Variants in DNER observed in about 807,000 individuals in gnomAD.
DNER encodes delta and Notch-like epidermal growth factor-related receptor.
In DNER, 33 loss-of-function variants were observed where a neutral mutation model predicts 78.2. That is an observed-to-expected ratio of 0.42 (90% CI 0.32 to 0.56). The LOEUF (loss-of-function observed/expected upper bound fraction) is 0.56, where lower values mean the gene tolerates loss of function less well. Among genes scored for constraint, DNER ranks in the 20% least tolerant of loss-of-function variants. The pLI is 0.11. For missense variants in DNER, 918 were observed against 975.3 expected (o/e 0.94, Z 0.78); for synonymous variants, 417 against 384.8 (o/e 1.08, Z -0.98).
intron 1 of DNER, among the ~76,000 whole-genome samples, chr2:229,683,779 C>T (rs1559208075): frequency 6.6e-6 from 1 of 152,056 alleles, no homozygotes; most frequent in African/African-American, 2.4e-5. Context: ...GCCAGAAATG[C>T]ATCTCTTGAC....
At chr2:229,443,453 G>A (rs1326230240) in intron 8 of DNER, among the ~76,000 whole-genome samples, 1 of 152,190 alleles carries the variant, frequency 6.6e-6, no homozygotes, top group African/African-American at 2.4e-5. Context: ...CAATTTTTAA[G>A]AGAACGGGTA....
chr2:229,376,073 T>C (rs1692592273), intron 11 of DNER, among the ~76,000 whole-genome samples: 1 of 152,230 alleles, frequency 6.6e-6, no homozygotes, highest in Non-Finnish European at 1.5e-5. Context: ...TTGCCGTGCT[T>C]GTAAGTTTCC....
intron 4 of DNER, among the ~76,000 whole-genome samples, chr2:229,576,803 C>T (rs560922096): frequency 9.9e-5 from 15 of 151,308 alleles, no homozygotes; most frequent in Admixed American, 3.9e-4. Context: ...GCCAGCTACA[C>T]GGAGAAGAAC....
chr2:229,520,061 A>T (rs1184962865), intron 5 of DNER, among the ~76,000 whole-genome samples: 2 of 152,204 alleles, frequency 1.3e-5, no homozygotes, highest in East Asian at 3.8e-4. Context: ...ACTTCAGGCA[A>T]TTCTTCGCCA....
At chr2:229,427,646 G>A (rs894397964) in intron 8 of DNER, among the ~76,000 whole-genome samples, 3 of 151,996 alleles carry the variant, frequency 2.0e-5, no homozygotes, top group South Asian at 2.1e-4. Flanking sequence ...AAGAGGGAGG[G>A]GTGTGCAGAA....
At chr2:229,442,579 T>C (rs896515414) in intron 8 of DNER, among the ~76,000 whole-genome samples, 1 of 152,118 alleles carries the variant, frequency 6.6e-6, no homozygotes, top group Admixed American at 6.5e-5. Context: ...ATGAAAGTTG[T>C]CCACTATACT....
chr2:229,582,559 G>T (rs1475294061), intron 4 of DNER, among the ~76,000 whole-genome samples: 1 of 152,156 alleles, frequency 6.6e-6, no homozygotes, highest in Non-Finnish European at 1.5e-5. Flanking sequence ...CAAAATAAAG[G>T]ATGTTACTCA....
chr2:229,635,735 T>G (rs918821735), intron 1 of DNER, among the ~76,000 whole-genome samples: 5 of 152,214 alleles, frequency 3.3e-5, no homozygotes, highest in African/African-American at 9.6e-5. Flanking sequence ...TTCCTAAATA[T>G]GCTGGGAAAT....
chr2:229,612,361 C>T (rs1182584187), intron 1 of DNER, among the ~76,000 whole-genome samples: 3 of 152,098 alleles, frequency 2.0e-5, no homozygotes, highest in East Asian at 1.9e-4. Context: ...CACTGGGGGA[C>T]CCTGGTGGAA....
intron 6 of DNER, among the ~76,000 whole-genome samples, chr2:229,507,144 T>C (rs1018127896): frequency 6.6e-6 from 1 of 152,196 alleles, no homozygotes; most frequent in East Asian, 1.9e-4. Flanking sequence ...TAAAACACAG[T>C]ATTGTAATCT....
intron 1 of DNER, among the ~76,000 whole-genome samples, chr2:229,622,516 A>G (rs1698267523): frequency 6.6e-6 from 1 of 152,216 alleles, no homozygotes; most frequent in East Asian, 1.9e-4. Flanking sequence ...AGCCTGAGTC[A>G]GCACGGGAAT....
At chr2:229,622,881 C>G (rs904213989) in intron 1 of DNER, among the ~76,000 whole-genome samples, 1 of 152,148 alleles carries the variant, frequency 6.6e-6, no homozygotes, top group Non-Finnish European at 1.5e-5. Flanking sequence ...ATCTTGCCAA[C>G]ATGTTGATTT....
chr2:229,693,897 T>A (rs2193221), intron 1 of DNER, among the ~76,000 whole-genome samples: 1 of 152,242 alleles, frequency 6.6e-6, no homozygotes, highest in East Asian at 1.9e-4. Context: ...ATGTTAATCA[T>A]GAAAACAATG....
intron 1 of DNER, among the ~76,000 whole-genome samples, chr2:229,649,680 A>G (rs746998039): frequency 6.6e-6 from 1 of 152,176 alleles, no homozygotes; most frequent in East Asian, 1.9e-4. Context: ...AACCTACAAC[A>G]TGATGAAAAT....
At chr2:229,505,177 AGTGTGTGT>A (rs144321798) in intron 6 of DNER, among the ~76,000 whole-genome samples, 93 of 126,516 alleles carry the variant, frequency 7.4e-4, no homozygotes, top group African/African-American at 1.7e-3. Flanking sequence ...GTGTTGCTGC[AGTGTGTGT>A]GTGTGTGTGT....
chr2:229,371,768 T>C (rs1692488643), intron 11 of DNER, among the ~76,000 whole-genome samples: 1 of 152,236 alleles, frequency 6.6e-6, no homozygotes, highest in African/African-American at 2.4e-5. Context: ...CCTAGATGAA[T>C]GTAGCTACAC....
chr2:229,662,185 C>T (rs1366283505), intron 1 of DNER, among the ~76,000 whole-genome samples: 2 of 152,246 alleles, frequency 1.3e-5, no homozygotes, highest in South Asian at 2.1e-4. Context: ...AACACAATGT[C>T]GTCAGGCGAA....
intron 10 of DNER, among the ~76,000 whole-genome samples, chr2:229,392,015 C>A (rs1156427316): frequency 1.3e-5 from 2 of 151,966 alleles, no homozygotes; most frequent in Non-Finnish European, 2.9e-5. Context: ...TTAGTAAATC[C>A]TTGGGTTAAC....
intron 1 of DNER, among the ~76,000 whole-genome samples, chr2:229,694,924 A>T (rs1699637991): frequency 6.6e-6 from 1 of 152,146 alleles, no homozygotes. Context: ...GGGTAGAATG[A>T]TATGGTTTGG....
Sources: allele counts gnomAD v4.1 joint callset (sites outside exome capture counted in the v4.1 genomes callset), GRCh38; gene constraint gnomAD v4.1.1; transcripts MANE v1.5; gene names NCBI Gene and HGNC (gene_info 2026-07-23, HGNC 2026-07-21).